The following RBFOX1 variants were observed in gnomAD, a reference collection of about 807,000 sequenced individuals.
RBFOX1 encodes RNA binding fox-1 homolog 1.
RBFOX1 carries 8 observed loss-of-function variants against 57.7 expected under a neutral mutation model. The ratio of observed to expected loss-of-function variants is 0.14; its 90% CI spans 0.08 to 0.25. The LOEUF (loss-of-function observed/expected upper bound fraction) is 0.25. Among genes scored for constraint, RBFOX1 ranks in the 10% least tolerant of loss-of-function variants. RBFOX1 has a pLI of 1.00. For synonymous variants in RBFOX1, 326 were observed against 222.4 expected (o/e 1.47, Z -4.15); for missense variants, 611 against 548.5 (o/e 1.11, Z -1.14).
intron 1 of RBFOX1, among the ~76,000 whole-genome samples, chr16:6,210,341 A>C (rs1338013139): frequency 1.6e-4 from 13 of 82,314 alleles, no homozygotes; most frequent in African/African-American, 3.7e-4. Flanking sequence ...AAAAAACAAA[A>C]AAACAAAAAA....
intron 3 of RBFOX1, among the ~76,000 whole-genome samples, chr16:7,046,907 A>G (rs930332018): frequency 6.6e-6 from 1 of 151,900 alleles, no homozygotes; most frequent in Non-Finnish European, 1.5e-5. Flanking sequence ...CGCCTGGCCT[A>G]TATTTTGTTT....
intron 3 of RBFOX1, among the ~76,000 whole-genome samples, chr16:5,663,371 ATT>A (rs756775964): frequency 5.6e-5 from 8 of 142,210 alleles, no homozygotes; most frequent in Middle Eastern, 3.7e-3. Context: ...TGCCCAGCTA[ATT>A]TTTTTTTTTT....
At chr16:6,884,070 GGC>G (rs1212254757) in intron 3 of RBFOX1, among the ~76,000 whole-genome samples, 4 of 152,142 alleles carry the variant, frequency 2.6e-5, no homozygotes, top group African/African-American at 9.7e-5. Context: ...GCAGAGCGGT[GGC>G]TGCTGTGTTA....
intron 4 of RBFOX1, among the ~76,000 whole-genome samples, chr16:5,941,277 G>T (rs1384226035): frequency 6.6e-6 from 1 of 151,968 alleles, no homozygotes; most frequent in Non-Finnish European, 1.5e-5. Context: ...ATGGATTGAG[G>T]CCAGGAGTTC....
rs372367785 is a variant in RBFOX1 at position 6,613,191 on chromosome 16, A to G, written c.-63-41412A>G. The stretch of plus-strand genomic sequence containing the variant: ...GTGGGTCCCTCACAAGGCAGCCATT[A>G]GCATCAGCTTCCAAGCAGCTCCCCC... On this transcript the variant is annotated intron_variant, in intron 2 of 15. Coordinates refer to ENST00000550418, the MANE Select transcript of RBFOX1 (RefSeq NM_018723.4). Among the ~76,000 whole-genome samples the G allele has an allele frequency of 1.4e-4, 22 of 152,266 alleles. No homozygotes were observed. The South Asian group carries it at 2.5e-3, about 17-fold the overall frequency.
chr16:6,150,885 G>A lies in RBFOX1; in HGVS notation c.-127+130893G>A, dbSNP rs143421944. Among the ~76,000 whole-genome samples, 397 of 152,270 alleles carry A rather than the reference G, an allele frequency of 2.6e-3. 1 individual carries two copies. Among genetic ancestry groups the A allele is most frequent in the East Asian group, 0.021 (109 of 5,178 alleles). The stretch of plus-strand genomic sequence containing the variant: ...TGTCAGGTTGTCTTGACGTGCAGCT[G>A]AATTATTTACATTTTCCGGCAATTC... On this transcript the variant is annotated intron_variant, in intron 1 of 15. Transcript: ENST00000550418.
At position 6,910,854 on chromosome 16, in the gene RBFOX1, C is replaced by G. The variant is rs187175357; in HGVS notation, c.-15-141203C>G. On this transcript the variant is annotated intron_variant, in intron 3 of 15. Coordinates refer to ENST00000550418, the MANE Select transcript of RBFOX1 (RefSeq NM_018723.4). ...TAAGCTTATATCCAGAAGAATGCCT[C>G]CATTTCATGCTGGTCTTTATACCTT... 6.0e-4 allele frequency among the ~76,000 whole-genome samples: 91 copies of G among 152,248 alleles called. No homozygotes were observed. The East Asian group carries it at 0.011, about 19-fold the overall frequency.
At chr16:7,436,263 C>G (rs1320043514) in intron 4 of RBFOX1, among the ~76,000 whole-genome samples, 1 of 152,092 alleles carries the variant, frequency 6.6e-6, no homozygotes, top group Non-Finnish European at 1.5e-5. Flanking sequence ...AGCATCTTTC[C>G]TATGGGTGGA....
At chr16:6,325,530 A>G (rs1370777825) in intron 2 of RBFOX1, among the ~76,000 whole-genome samples, 1 of 152,208 alleles carries the variant, frequency 6.6e-6, no homozygotes, top group East Asian at 1.9e-4. Flanking sequence ...CATTTAAACT[A>G]AAGAGTAGCT....
chr16:5,327,200 C>T (rs189546990), intron 1 of RBFOX1, among the ~76,000 whole-genome samples: 1 of 147,546 alleles, frequency 6.8e-6, no homozygotes, highest in East Asian at 2.0e-4. Flanking sequence ...GTGTAGATCC[C>T]CTGCATCAAA....
intron 4 of RBFOX1, among the ~76,000 whole-genome samples, chr16:7,407,402 G>T (rs1388533386): frequency 1.5e-5 from 2 of 137,414 alleles, no homozygotes; most frequent in Non-Finnish European, 3.1e-5. Flanking sequence ...GTGTGTGTGT[G>T]TGTATGTGTG....
At chr16:7,709,267 G>A in intron 15 of RBFOX1, 136 bp downstream of exon 15, 1 of 973,328 alleles carries the variant, frequency 1.0e-6, no homozygotes, top group Non-Finnish European at 1.5e-6. Context: ...CAGCTAAAAT[G>A]CCACATTAAT....
At chr16:5,368,875 A>T (rs985336018) in intron 1 of RBFOX1, among the ~76,000 whole-genome samples, 2 of 152,192 alleles carry the variant, frequency 1.3e-5, no homozygotes, top group African/African-American at 2.4e-5. Context: ...CTGGCAATGC[A>T]TTCCACTTTT....
intron 3 of RBFOX1, among the ~76,000 whole-genome samples, chr16:6,896,415 C>G (rs2066925522): frequency 6.6e-6 from 1 of 152,038 alleles, no homozygotes; most frequent in Non-Finnish European, 1.5e-5. Context: ...TCAACCATCC[C>G]TACTTTCCCC....
chr16:7,688,418 A>T (rs1446586888), intron 14 of RBFOX1, among the ~76,000 whole-genome samples: 1 of 152,008 alleles, frequency 6.6e-6, no homozygotes, highest in Non-Finnish European at 1.5e-5. Context: ...TTTGCCCATA[A>T]GACTTAAAGA....
intron 4 of RBFOX1, among the ~76,000 whole-genome samples, chr16:7,132,715 G>C (rs761081702): frequency 1.3e-5 from 2 of 151,924 alleles, no homozygotes; most frequent in Admixed American, 1.3e-4. Flanking sequence ...TATGCTAAGC[G>C]AAATCAACCA....
chr16:5,651,489 G>A (rs750694307), intron 3 of RBFOX1, among the ~76,000 whole-genome samples: 2 of 152,116 alleles, frequency 1.3e-5, no homozygotes, highest in African/African-American at 4.8e-5. Flanking sequence ...CAGAACGGAG[G>A]GACCAAAGCA....
intron 1 of RBFOX1, among the ~76,000 whole-genome samples, chr16:5,281,065 A>G (rs1261060730): frequency 6.6e-6 from 1 of 151,986 alleles, no homozygotes; most frequent in African/African-American, 2.4e-5. Flanking sequence ...TGGTGTAGGC[A>G]TTTATTGCTA....
intron 1 of RBFOX1, among the ~76,000 whole-genome samples, chr16:6,265,845 C>G (rs2074416418): frequency 6.6e-6 from 1 of 152,188 alleles, no homozygotes; most frequent in Non-Finnish European, 1.5e-5. Flanking sequence ...CCAGATTCTT[C>G]TTGCTCCCTC....
Sources: gnomAD v4.1 joint callset for allele counts (sites outside exome capture counted in the v4.1 genomes callset) on GRCh38, gnomAD v4.1.1 for gene constraint, MANE v1.5 for transcripts, NCBI Gene and HGNC (gene_info 2026-07-23, HGNC 2026-07-21) for gene names.